The following ILDR1 variants were observed in gnomAD, a reference collection of about 807,000 sequenced individuals.
The protein encoded by ILDR1 is immunoglobulin-like domain-containing receptor 1.
In ILDR1, 56 loss-of-function variants were observed where a neutral mutation model predicts 62.4. That is an observed-to-expected ratio of 0.90 (90% CI 0.72 to 1.12). The LOEUF (loss-of-function observed/expected upper bound fraction) is 1.12. Among genes scored for constraint, ILDR1 ranks in the 50% most tolerant of loss-of-function variants. The pLI is 0.00. For synonymous variants in ILDR1, 284 were observed against 277.8 expected, an observed-to-expected ratio of 1.02 and a Z score of -0.22; for missense variants, 736 against 710.6, an observed-to-expected ratio of 1.04 and a Z score of -0.41.
chr3:122,058,964 G>C, the ILDR1 span, among the ~76,000 whole-genome samples: 1 of 152,106 alleles, frequency 6.6e-6, no homozygotes, highest in African/African-American at 2.4e-5. Context: ...TAGACACTGG[G>C]AGAGGAGGAG....
At chr3:122,029,509 A>ATATATATATATATATAT in the ILDR1 span, among the ~76,000 whole-genome samples, 10 of 113,500 alleles carry the variant, frequency 8.8e-5, no homozygotes, top group African/African-American at 3.3e-4. Flanking sequence ...CCGTCTAAAA[A>ATATATATATATATATAT]AAATATATAT....
the ILDR1 span, among the ~76,000 whole-genome samples, chr3:122,056,690 C>T: frequency 6.6e-6 from 1 of 152,182 alleles, no homozygotes; most frequent in South Asian, 2.1e-4. Flanking sequence ...TTCATCTACC[C>T]AGTGCTTACT....
At chr3:122,014,723 GT>G (rs2071753989) in intron 1 of ILDR1, among the ~76,000 whole-genome samples, 1 of 152,174 alleles carries the variant, frequency 6.6e-6, no homozygotes, top group African/African-American at 2.4e-5. Context: ...ACAGTCCCAT[GT>G]TTCACCACAA....
chr3:122,051,547 T>A, the ILDR1 span, among the ~76,000 whole-genome samples: 3 of 152,164 alleles, frequency 2.0e-5, no homozygotes, highest in Non-Finnish European at 4.4e-5. Flanking sequence ...CCTGAACTCA[T>A]TGAGCATCAA....
chr3:122,041,258 TC>T, the ILDR1 span, among the ~76,000 whole-genome samples: 2 of 152,218 alleles, frequency 1.3e-5, no homozygotes, highest in Non-Finnish European at 2.9e-5. Flanking sequence ...GAGGACTCCC[TC>T]CCTTATGAAT....
At chr3:122,052,398 G>A in the ILDR1 span, among the ~76,000 whole-genome samples, 4 of 152,118 alleles carry the variant, frequency 2.6e-5, no homozygotes, top group African/African-American at 9.7e-5. Context: ...AACTGTATCA[G>A]TCTGTATCTG....
At chr3:122,037,842 G>C in the ILDR1 span, among the ~76,000 whole-genome samples, 1 of 152,052 alleles carries the variant, frequency 6.6e-6, no homozygotes, top group African/African-American at 2.4e-5. Context: ...TAGATCATGG[G>C]GCAGATTTCC....
chr3:121,999,873 C>T (rs1341116563), intron 5 of ILDR1, among the ~76,000 whole-genome samples: 1 of 152,086 alleles, frequency 6.6e-6, no homozygotes, highest in African/African-American at 2.4e-5. Context: ...AGAACAAAGG[C>T]AAGATAAGGT....
chr3:122,027,182 A>G (rs1271756976), upstream of ILDR1, among the ~76,000 whole-genome samples: 1 of 152,114 alleles, frequency 6.6e-6, no homozygotes, highest in African/African-American at 2.4e-5. Context: ...TTCTCAATGA[A>G]AACATTTTTT....
At chr3:122,027,966 A>G in the ILDR1 span, among the ~76,000 whole-genome samples, 1 of 152,130 alleles carries the variant, frequency 6.6e-6, no homozygotes, top group African/African-American at 2.4e-5. Context: ...TTGGGATCTG[A>G]TGCTATCTCC....
At chr3:121,995,127 G>A (rs542389780) in intron 5 of ILDR1, among the ~76,000 whole-genome samples, 7 of 152,150 alleles carry the variant, frequency 4.6e-5, no homozygotes, top group African/African-American at 1.4e-4. Context: ...CATACAACCC[G>A]CAGTGAGTAC....
rs1431291836 is a variant in ILDR1 at position 122,007,034 on chromosome 3, G to A, written c.186C>T (p.Phe62=). 1 of 1,613,782 alleles carries A rather than the reference G, an allele frequency of 6.2e-7. No individual in the cohort carries two copies. The highest frequency in any genetic ancestry group is 1.3e-5 in the African/African-American group (1 of 75,012). ...QLQDVVVTWR[F]KSFCKDPIFD... ...AGATAGGGTCCTTGCAGAAGGACTTGAAGCGCCATGTCACCACCACGTCCT... is the reference window on the plus strand; with the variant it reads ...AGATAGGGTCCTTGCAGAAGGACTTAAAGCGCCATGTCACCACCACGTCCT... The change falls in exon 2 of 8, where the codon TTC becomes TTT. Residue 62 remains phenylalanine, a synonymous_variant. Transcript: ENST00000344209.
At chr3:122,013,390 A>G (rs1338980177) in intron 1 of ILDR1, among the ~76,000 whole-genome samples, 1 of 152,106 alleles carries the variant, frequency 6.6e-6, no homozygotes, top group South Asian at 2.1e-4. Context: ...CAGGAGGGTG[A>G]AGGCAGGTCT....
Position 122,005,334 on chromosome 3 carries a change from G to C in ILDR1, c.289C>G (p.Arg97Gly). 6.2e-7 allele frequency: 1 copy of C among 1,613,950 alleles called. No homozygotes were observed. Among genetic ancestry groups the C allele is most frequent in the African/African-American group, 1.3e-5 (1 of 74,988 alleles). ...CGCTGGGCCACTATGCGAACTTCCC[G>C]CTGGTTGTCGTTGCAGTCATTGGAT... ...DPSNDCNDNQ[R>G]EVRIVAQRRG... The change falls in exon 3 of 8, where the codon CGG (arginine) becomes GGG (glycine). Residue 97 changes from arginine to glycine, a missense_variant. Physicochemically the swap from Arg to Gly is moderately radical, Grantham distance 125. Coordinates refer to ENST00000344209, the MANE Select transcript of ILDR1 (RefSeq NM_001199799.2).
intron 3 of ILDR1, among the ~76,000 whole-genome samples, chr3:122,004,318 T>C (rs2071571567): frequency 6.6e-6 from 1 of 152,248 alleles, no homozygotes; most frequent in African/African-American, 2.4e-5. Context: ...GGAGCTAAGC[T>C]AAGCCATTTA....
chr3:122,000,637 G>T (rs2071508124), intron 5 of ILDR1, among the ~76,000 whole-genome samples: 1 of 152,186 alleles, frequency 6.6e-6, no homozygotes, highest in African/African-American at 2.4e-5. Context: ...GGAGGAAAGG[G>T]TCATTGTAAC....
At chr3:122,036,739 C>T in the ILDR1 span, among the ~76,000 whole-genome samples, 1 of 152,180 alleles carries the variant, frequency 6.6e-6, no homozygotes, top group Non-Finnish European at 1.5e-5. Flanking sequence ...ATGTTAATAA[C>T]CAAAACAATG....
chr3:122,016,761 G>A (rs2071782362), intron 1 of ILDR1, among the ~76,000 whole-genome samples: 1 of 152,210 alleles, frequency 6.6e-6, no homozygotes, highest in African/African-American at 2.4e-5. Context: ...ATTAACTCAG[G>A]TAGGTTTAAC....
chr3:121,993,263 G>A lies in ILDR1; in HGVS notation c.1486C>T (p.Arg496Cys), dbSNP rs777321422. ...ERQPQSWRAH[R>C]RGSHSPHWPE... ...CAGTGTGGGGAGTGCGAGCCGCGGC[G>A]GTGGGCCCGCCAGCTCTGGGGCTGC... Residue 496 changes from arginine (R) to cysteine (C), a missense_variant, in exon 7 of 8, where the codon CGC (arginine) becomes TGC (cysteine). Physicochemically the swap from Arg to Cys is radical, Grantham distance 180. Coordinates refer to ENST00000344209, the MANE Select transcript of ILDR1 (RefSeq NM_001199799.2). 3.5e-5 allele frequency: 57 copies of A among 1,613,402 alleles called. No homozygotes were observed. The highest frequency in any genetic ancestry group is 4.4e-5 in the South Asian group (4 of 91,052).
Sources: gnomAD v4.1 joint callset for allele counts (sites outside exome capture counted in the v4.1 genomes callset) on GRCh38, gnomAD v4.1.1 for gene constraint, MANE v1.5 for transcripts, NCBI Gene and HGNC (gene_info 2026-07-23, HGNC 2026-07-21) for gene names.